The following UNC13C variants were observed in gnomAD, a reference collection of about 807,000 sequenced individuals.
The protein encoded by UNC13C is unc-13 homolog C.
UNC13C carries 174 observed loss-of-function variants against 245.4 expected under a neutral mutation model. That is an observed-to-expected ratio of 0.71 (90% CI 0.63 to 0.80). The LOEUF (loss-of-function observed/expected upper bound fraction) is 0.80. Among genes scored for constraint, UNC13C ranks in the 30% least tolerant of loss-of-function variants. The pLI is 0.00. For missense variants in UNC13C, 2,829 were observed against 2,602.9 expected (o/e 1.09, Z -1.89); for synonymous variants, 992 against 895.1 (o/e 1.11, Z -1.93).
intron 30 of UNC13C, among the ~76,000 whole-genome samples, chr15:54,586,902 G>C (rs1898521838): frequency 6.6e-6 from 1 of 152,180 alleles, no homozygotes; most frequent in Non-Finnish European, 1.5e-5. Context: ...ATGGAAGCAG[G>C]ATCATCCAGA....
At chr15:53,905,130 C>T in the UNC13C span, among the ~76,000 whole-genome samples, 69,696 of 151,686 alleles carry the variant, frequency 0.46, 16,292 homozygotes, top group South Asian at 0.55. Context: ...GTGTAACTAT[C>T]ACGGAAAACA....
At chr15:53,980,272 A>G (rs1436094741) in intron 1 of UNC13C, among the ~76,000 whole-genome samples, 1 of 152,216 alleles carries the variant, frequency 6.6e-6, no homozygotes. Flanking sequence ...AATTCCACGC[A>G]TGACTATAAC....
intron 1 of UNC13C, among the ~76,000 whole-genome samples, chr15:54,007,303 C>T (rs1379130366): frequency 6.6e-6 from 1 of 151,934 alleles, no homozygotes; most frequent in Non-Finnish European, 1.5e-5. Flanking sequence ...AAGCAAATAA[C>T]AGTAAAGAGA....
intron 16 of UNC13C, among the ~76,000 whole-genome samples, chr15:54,334,883 A>G (rs922882225): frequency 6.6e-6 from 1 of 152,070 alleles, no homozygotes; most frequent in African/African-American, 2.4e-5. Flanking sequence ...CTACCCATCT[A>G]CCATGCCTCC....
At chr15:54,616,111 T>C (rs1193148811) in intron 30 of UNC13C, among the ~76,000 whole-genome samples, 1 of 152,046 alleles carries the variant, frequency 6.6e-6, no homozygotes, top group Non-Finnish European at 1.5e-5. Flanking sequence ...ACCTCATGGA[T>C]TTCTTACTAA....
chr15:54,195,051 G>A (rs965116068), intron 4 of UNC13C, among the ~76,000 whole-genome samples: 18 of 152,212 alleles, frequency 1.2e-4, no homozygotes, highest in African/African-American at 2.4e-4. Flanking sequence ...TTTCAGGATC[G>A]GAAGTTTTGT....
chr15:54,335,875 C>A (rs957019703), intron 16 of UNC13C, among the ~76,000 whole-genome samples: 2 of 152,090 alleles, frequency 1.3e-5, no homozygotes, highest in Admixed American at 6.6e-5. Flanking sequence ...TGGGTTAAAT[C>A]CTCAGCAGCA....
intron 30 of UNC13C, among the ~76,000 whole-genome samples, chr15:54,585,237 T>C (rs905415687): frequency 6.6e-6 from 1 of 152,182 alleles, no homozygotes; most frequent in Non-Finnish European, 1.5e-5. Context: ...CCTTCATGAA[T>C]GGCTTGGTAC....
intron 2 of UNC13C, among the ~76,000 whole-genome samples, chr15:54,128,649 G>A (rs929974276): frequency 2.0e-5 from 3 of 152,166 alleles, no homozygotes; most frequent in Non-Finnish European, 4.4e-5. Context: ...CATTTCTCTA[G>A]TGATTGAAAG....
upstream of UNC13C, among the ~76,000 whole-genome samples, chr15:53,976,477 C>CTTTTTTT (rs10682648): frequency 9.4e-4 from 59 of 62,954 alleles, 2 homozygotes; most frequent in African/African-American, 2.6e-3. Flanking sequence ...CTCTCTCTCT[C>CTTTTTTT]TTTTTTTTTT....
intron 1 of UNC13C, among the ~76,000 whole-genome samples, chr15:53,994,765 G>A (rs1894542020): frequency 6.6e-6 from 1 of 152,038 alleles, no homozygotes; most frequent in African/African-American, 2.4e-5. Context: ...TTTTTAATGT[G>A]TATAGTATAG....
chr15:54,274,898 C>A (rs918403676), intron 10 of UNC13C, among the ~76,000 whole-genome samples: 1 of 151,948 alleles, frequency 6.6e-6, no homozygotes, highest in African/African-American at 2.4e-5. Flanking sequence ...TCTCAATCTC[C>A]TGACCTTGTG....
At chr15:54,239,624 CT>C (rs555421469) in intron 7 of UNC13C, among the ~76,000 whole-genome samples, 17 of 148,994 alleles carry the variant, frequency 1.1e-4, no homozygotes, top group South Asian at 4.2e-4. Flanking sequence ...CTAATATTTC[CT>C]TTTTTTTTTA....
intron 26 of UNC13C, 100 bp from the exon 27 acceptor site, chr15:54,546,622 A>G: frequency 1.6e-6 from 1 of 622,450 alleles, no homozygotes; most frequent in African/African-American, 2.0e-5. Context: ...TTGTATAATA[A>G]TTTAGTAAAT....
intron 17 of UNC13C, among the ~76,000 whole-genome samples, chr15:54,391,749 CT>C (rs1345427884): frequency 1.3e-5 from 2 of 151,828 alleles, no homozygotes; most frequent in Non-Finnish European, 2.9e-5. Context: ...TGGATGTATC[CT>C]AGGGAAATAT....
intron 19 of UNC13C, among the ~76,000 whole-genome samples, chr15:54,429,001 T>C (rs2040813575): frequency 2.0e-5 from 3 of 151,756 alleles, no homozygotes; most frequent in African/African-American, 7.2e-5. Context: ...TTCCTTAAAG[T>C]TTCTTGCATG....
At chr15:54,169,439 C>T (rs899024378) in intron 4 of UNC13C, among the ~76,000 whole-genome samples, 1 of 152,164 alleles carries the variant, frequency 6.6e-6, no homozygotes, top group African/African-American at 2.4e-5. Context: ...TAACCATCTA[C>T]TAAGCTCTCT....
the UNC13C span, among the ~76,000 whole-genome samples, chr15:53,940,847 A>G: frequency 6.6e-6 from 1 of 152,238 alleles, no homozygotes. Flanking sequence ...TTCCATGCTC[A>G]TGTATAGAAA....
intron 2 of UNC13C, among the ~76,000 whole-genome samples, chr15:54,087,396 TG>T (rs975890296): frequency 3.3e-5 from 5 of 152,316 alleles, no homozygotes; most frequent in Admixed American, 2.6e-4. Flanking sequence ...TCTGCATTTT[TG>T]CAAAACCTAA....
Sources: allele counts gnomAD v4.1 joint callset (sites outside exome capture counted in the v4.1 genomes callset), GRCh38; gene constraint gnomAD v4.1.1; transcripts MANE v1.5; gene names NCBI Gene and HGNC (gene_info 2026-07-23, HGNC 2026-07-21).